The following FAM78B variants were observed in gnomAD, a reference collection of about 807,000 sequenced individuals.
The protein encoded by FAM78B is protein FAM78B.
Under a neutral mutation model 20.0 loss-of-function variants are expected in FAM78B, and 10 were observed. The observed-to-expected ratio is 0.50, with a 90% CI of 0.31 to 0.85. FAM78B has a LOEUF of 0.85. Ranked by LOEUF, FAM78B falls within the 40% of genes least tolerant of loss-of-function variation. FAM78B has a pLI of 0.05. For missense variants in FAM78B, 283 were observed against 345.0 expected, an observed-to-expected ratio of 0.82 and a Z score of 1.42; for synonymous variants, 135 against 132.8, an observed-to-expected ratio of 1.02 and a Z score of -0.12.
intron 1 of FAM78B, among the ~76,000 whole-genome samples, chr1:166,097,325 C>G (rs1653323864): frequency 1.3e-5 from 2 of 152,210 alleles, no homozygotes; most frequent in Admixed American, 1.3e-4. Flanking sequence ...TAGCTTAACT[C>G]TGCAACAACT....
At chr1:166,066,682 GTAAAAATACTCTATAAA>G (rs1651805843), downstream of FAM78B, among the ~76,000 whole-genome samples, 1 of 152,222 alleles carries the variant, frequency 6.6e-6, no homozygotes, top group Non-Finnish European at 1.5e-5. Flanking sequence ...GAAGGCTTTT[GTAAAAATACTCTATAAA>G]TCATAGTTCT....
chr1:166,139,998 G>A (rs187359941), intron 1 of FAM78B, among the ~76,000 whole-genome samples: 68 of 152,344 alleles, frequency 4.5e-4, no homozygotes, highest in African/African-American at 1.5e-3. Flanking sequence ...CACGCAGGAT[G>A]AGGGAGAGGG....
chr1:166,066,104 G>A (rs550934937), downstream of FAM78B, among the ~76,000 whole-genome samples: 17 of 152,298 alleles, frequency 1.1e-4, no homozygotes, highest in African/African-American at 3.1e-4. Flanking sequence ...GTTGAGGGAC[G>A]GCGGGTGGCA....
chr1:166,166,374 T>A lies in FAM78B; in HGVS notation c.-126A>T. ...CTCCCGGTCAGACTCAGCTCGCACC[T>A]AGGAGCGGGGAGCCGCCGGGCATCC... On this transcript the variant is annotated 5_prime_UTR_variant, in exon 1 of 2. Transcript: ENST00000354422. 1.1e-6 allele frequency: 1 copy of A among 887,948 alleles called. No homozygotes were observed. The highest frequency in any genetic ancestry group is 1.4e-6 in the Non-Finnish European group (1 of 731,144). The allele number at this position is 887,948 out of a possible 1,614,324, so 55.0% of individuals were successfully genotyped here. A position where few individuals can be genotyped will look rare whatever the true frequency, so the allele number is the denominator to read the frequency against.
chr1:166,162,506 C>T (rs1656185651), intron 1 of FAM78B, among the ~76,000 whole-genome samples: 1 of 152,226 alleles, frequency 6.6e-6, no homozygotes, highest in Admixed American at 6.5e-5. Flanking sequence ...TTGTCTTCAT[C>T]TCATTCAACC....
At chr1:166,152,695 T>TATTTATTG (rs1553224691) in intron 1 of FAM78B, among the ~76,000 whole-genome samples, 6 of 149,244 alleles carry the variant, frequency 4.0e-5, no homozygotes, top group African/African-American at 1.3e-4. Context: ...TTTATTTATT[T>TATTTATTG]ATTGATGGAA....
chr1:166,092,689 T>C (rs926914965), intron 1 of FAM78B, among the ~76,000 whole-genome samples: 3 of 152,184 alleles, frequency 2.0e-5, no homozygotes, highest in East Asian at 1.9e-4. Flanking sequence ...GGCTCCCCAA[T>C]ATGAATTTTG....
At chr1:166,135,489 C>T (rs186778800) in intron 1 of FAM78B, among the ~76,000 whole-genome samples, 4 of 152,168 alleles carry the variant, frequency 2.6e-5, no homozygotes, top group East Asian at 1.9e-4. Context: ...ACAATGAAAG[C>T]GTGTATCATG....
chr1:166,106,975 C>T (rs540839365), intron 1 of FAM78B, among the ~76,000 whole-genome samples: 2 of 151,932 alleles, frequency 1.3e-5, no homozygotes, highest in East Asian at 1.9e-4. Context: ...CACAACCTAC[C>T]GAAATCTCTG....
intron 1 of FAM78B, among the ~76,000 whole-genome samples, chr1:166,081,944 C>A (rs916037881): frequency 6.6e-6 from 1 of 152,152 alleles, no homozygotes; most frequent in African/African-American, 2.4e-5. Flanking sequence ...TATGCCTCTA[C>A]AATATGGCCA....
chr1:166,131,770 G>C (rs949807701), intron 1 of FAM78B, among the ~76,000 whole-genome samples: 1 of 152,190 alleles, frequency 6.6e-6, no homozygotes, highest in African/African-American at 2.4e-5. Context: ...ATGAAAAAAA[G>C]TAAGGTTACG....
chr1:166,102,400 G>A (rs1653563172), intron 1 of FAM78B, among the ~76,000 whole-genome samples: 1 of 152,134 alleles, frequency 6.6e-6, no homozygotes, highest in African/African-American at 2.4e-5. Flanking sequence ...CCAATTAAAA[G>A]ACACAGACTG....
In FAM78B at chr1:166,076,758, A is replaced by G. The variant is rs142708001; in HGVS notation, c.264-5995T>C. On this transcript the variant is annotated intron_variant, in intron 1 of 1. Transcript: ENST00000354422. The stretch of plus-strand genomic sequence containing the variant: ...ATATCAAATTGATCTGAAGTGAAAG[A>G]TGAGTGGAGACCATGAATTTCAATT... Among the ~76,000 whole-genome samples the G allele has an allele frequency of 2.9e-3, 442 of 152,318 alleles. No homozygotes were observed. In the East Asian group the frequency reaches 0.031, roughly 11 times the overall value.
intron 1 of FAM78B, among the ~76,000 whole-genome samples, chr1:166,122,673 A>G (rs987938717): frequency 5.9e-5 from 9 of 152,328 alleles, no homozygotes; most frequent in African/African-American, 2.2e-4. Context: ...GTCGTTCTAT[A>G]TGTTATTTGA....
downstream of FAM78B, among the ~76,000 whole-genome samples, chr1:166,068,708 C>T (rs946505019): frequency 6.6e-6 from 1 of 152,196 alleles, no homozygotes; most frequent in African/African-American, 2.4e-5. Context: ...ATTAAGCTAG[C>T]AGTGTCTACT....
At chr1:166,110,508 C>A (rs2101757971) in intron 1 of FAM78B, among the ~76,000 whole-genome samples, 1 of 152,272 alleles carries the variant, frequency 6.6e-6, no homozygotes, top group African/African-American at 2.4e-5. Flanking sequence ...CAATCAATGT[C>A]TTTTTCTCCC....
intron 1 of FAM78B, chr1:166,087,517 C>T (rs1435934298): frequency 6.6e-6 from 1 of 152,164 alleles, no homozygotes; most frequent in African/African-American, 2.4e-5. Flanking sequence ...GTCTTGAGCA[C>T]CTAGCGTACT....
At chr1:166,067,036 T>C (rs1280425253), downstream of FAM78B, among the ~76,000 whole-genome samples, 1 of 152,204 alleles carries the variant, frequency 6.6e-6, no homozygotes, top group Non-Finnish European at 1.5e-5. Flanking sequence ...TTCTTTTACA[T>C]AATAGTAACA....
At chr1:166,165,615 C>T (rs970236379) in intron 1 of FAM78B, among the ~76,000 whole-genome samples, 2 of 152,126 alleles carry the variant, frequency 1.3e-5, no homozygotes, top group African/African-American at 4.8e-5. Flanking sequence ...CTATGGTTTC[C>T]CCCAAACTCT....
Sources: allele counts gnomAD v4.1 joint callset (sites outside exome capture counted in the v4.1 genomes callset), GRCh38; gene constraint gnomAD v4.1.1; transcripts MANE v1.5; gene names NCBI Gene and HGNC (gene_info 2026-07-23, HGNC 2026-07-21).